The following AGXT variants were observed in gnomAD, a reference collection of about 807,000 sequenced individuals.
AGXT encodes L-alanine: glyoxylate aminotransferase 1.
In AGXT, 41 loss-of-function variants were observed where a neutral mutation model predicts 46.9. The ratio of observed to expected loss-of-function variants is 0.88; its 90% CI spans 0.68 to 1.14. The LOEUF (loss-of-function observed/expected upper bound fraction) is 1.14, where lower values mean the gene tolerates loss of function less well. Ranked by LOEUF, AGXT falls within the 50% of genes most tolerant of loss-of-function variation. The pLI, the probability that AGXT is intolerant of heterozygous loss-of-function variation, is 0.00. For synonymous variants in AGXT, 244 were observed against 227.9 expected (o/e 1.07, Z -0.64); for missense variants, 525 against 522.7 (o/e 1.00, Z -0.04).
chr2:240,879,169 T>C lies in AGXT; in HGVS notation c.*348T>C. The stretch of plus-strand genomic sequence containing the variant: ...GTGAGAGGAGAGCATCTCTGCTCCC[T>C]GAGCTGCCTGATTGTGGACTTTAGG... On this transcript the variant is annotated 3_prime_UTR_variant, in exon 11 of 11. Coordinates refer to ENST00000307503, the MANE Select transcript of AGXT (RefSeq NM_000030.3). 2.5e-6 allele frequency: 1 copy of C among 395,970 alleles called. No individual in the cohort carries two copies. Among genetic ancestry groups the C allele is most frequent in the Non-Finnish European group, 4.7e-6 (1 of 211,126 alleles). 24.5% of individuals were successfully genotyped at this position (395,970 alleles called of 1,614,324 possible).
intron 7 of AGXT, 49 bp from the exon 8 acceptor site, chr2:240,875,885 GC>G (rs772194120): frequency 5.0e-6 from 8 of 1,589,526 alleles, no homozygotes; most frequent in Non-Finnish European, 6.0e-6. Context: ...TGCCCCATCT[GC>G]CCCCAACCCT....
chr2:240,877,981 A>G (rs541138564), intron 9 of AGXT, 41 bp from the exon 10 acceptor site: 208 of 1,605,160 alleles, frequency 1.3e-4, no homozygotes, highest in Non-Finnish European at 1.1e-4. Flanking sequence ...AGGCCCGTAC[A>G]GGGCCTCTCA....
At position 240,880,253 on chromosome 2, in the gene AGXT, C is replaced by G. The variant is rs1335787786; in HGVS notation, c.*1432C>G. On this transcript the variant is annotated 3_prime_UTR_variant, in exon 11 of 11. Transcript: ENST00000307503. ...TGTTTCATTCCCGCAGCTACAGCGT[C>G]CAGGGTGCTCCACGTCCTCACCCAC... 1 of 152,230 alleles carries G rather than the reference C, an allele frequency of 6.6e-6. No individual in the cohort carries two copies. Among genetic ancestry groups the G allele is most frequent in the East Asian group, 1.9e-4 (1 of 5,206 alleles). 9.4% of individuals were successfully genotyped at this position (152,230 alleles called of 1,614,324 possible). A position where few individuals can be genotyped will look rare whatever the true frequency, so the allele number is the denominator to read the frequency against.
In AGXT at chr2:240,878,742, A is replaced by G. The variant is rs1176072053; in HGVS notation, c.1100A>G (p.Asn367Ser). 2 of 1,578,160 alleles carry G rather than the reference A, an allele frequency of 1.3e-6. No homozygotes were observed. The highest frequency in any genetic ancestry group is 1.2e-5 in the South Asian group (1 of 86,132). The change falls in exon 11 of 11, where the codon AAT becomes AGT. Residue 367 changes from asparagine to serine, a missense_variant. Coordinates refer to ENST00000307503, the MANE Select transcript of AGXT (RefSeq NM_000030.3). Reference protein sequence around the residue: ...KVLRIGLLGCNATRENVDRVT... With the variant: ...KVLRIGLLGCSATRENVDRVT... Reference sequence around the variant, plus strand: ...CTGCGGATCGGCCTGCTGGGCTGCAATGCCACCCGCGAGAATGTGGACCGC... The same window carrying G: ...CTGCGGATCGGCCTGCTGGGCTGCAGTGCCACCCGCGAGAATGTGGACCGC...
chr2:240,874,130 C>CGGGAGGGGG, intron 6 of AGXT, 68 bp downstream of exon 6: 2 of 1,460,476 alleles, frequency 1.4e-6, no homozygotes, highest in Non-Finnish European at 1.9e-6. Flanking sequence ...TGGCCCGAGG[C>CGGGAGGGGG]GGGAGGGGCG....
At chr2:240,877,411 G>GGGGGCTCCA (rs2059031381) in intron 8 of AGXT, 126 bp from the exon 9 acceptor site, 1 of 912,446 alleles carries the variant, frequency 1.1e-6, no homozygotes, top group Non-Finnish European at 1.7e-6. Flanking sequence ...AAGTCAAACT[G>GGGGGCTCCA]GGGGCTCCAG....
chr2:240,875,593 G>A (rs2059020332), intron 7 of AGXT, among the ~76,000 whole-genome samples: 1 of 152,258 alleles, frequency 6.6e-6, no homozygotes, highest in Non-Finnish European at 1.5e-5. Context: ...ACAGGAACAA[G>A]GCGCCAGGAA....
rs180177269 is a variant in AGXT at position 240,875,941 on chromosome 2, T to A, written c.783T>A (p.His261Gln). 1 of 1,614,010 alleles carries A rather than the reference T, an allele frequency of 6.2e-7. No individual in the cohort carries two copies. Among genetic ancestry groups the A allele is most frequent in the Non-Finnish European group, 8.5e-7 (1 of 1,180,030 alleles). Reference protein sequence around the residue: ...WGCDDQPRMYHHTIPVISLYS... With the variant: ...WGCDDQPRMYQHTIPVISLYS... The stretch of plus-strand genomic sequence containing the variant: ...GCCCCCTCGTGTCTTCCAGGTACCA[T>A]CACACAATCCCCGTCATCAGCCTGT... Residue 261 changes from histidine to glutamine, a missense_variant, in exon 8 of 11, where the codon CAT becomes CAA. Physicochemically the swap from His to Gln is conservative, Grantham distance 24. Transcript: ENST00000307503.
rs1418584219 is a variant in AGXT at position 240,877,628 on chromosome 2, A to G, written c.938A>G (p.Asp313Gly). ...CTGGGGCTGCAGCTCTTCGTGAAGG[A>G]CCCGGTAAGGAGGCCCCTGGCATTG... ...QALGLQLFVK[D>G]PALRLPTVTT... The change falls in exon 9 of 11, where the codon GAC (aspartate) becomes GGC (glycine). Residue 313 changes from aspartate (D) to glycine (G), a missense_variant. Asp to Gly is a moderately conservative substitution (Grantham distance 94). Coordinates refer to ENST00000307503, the MANE Select transcript of AGXT (RefSeq NM_000030.3). 1 of 1,550,712 alleles carries G rather than the reference A, an allele frequency of 6.4e-7. No individual in the cohort carries two copies. The highest frequency in any genetic ancestry group is 8.7e-7 in the Non-Finnish European group (1 of 1,146,976).
In AGXT at chr2:240,872,900, C is replaced by T. The variant is rs879201264; in HGVS notation, c.525-79C>T. On this transcript the variant is annotated intron_variant, in intron 4 of 10. Coordinates refer to ENST00000307503, the MANE Select transcript of AGXT (RefSeq NM_000030.3). ...CCTTGCCAGCCTGAGGCTCAGAAAC[C>T]CCATCCAGCCTGGGGCCAGGCCCTC... 4.1e-5 allele frequency: 54 copies of T among 1,304,036 alleles called. 1 individual carries two copies. In the South Asian group the frequency reaches 5.8e-4, roughly 14 times the overall value. 80.8% of individuals were successfully genotyped at this position (1,304,036 alleles called of 1,614,324 possible).
chr2:240,877,962 C>A (rs2059036695), intron 9 of AGXT, 60 bp from the exon 10 acceptor site: 3 of 1,597,626 alleles, frequency 1.9e-6, no homozygotes, highest in Non-Finnish European at 2.5e-6. Context: ...AGGCCAAGAG[C>A]TGTCACAAAG....
chr2:240,869,489 C>T, intron 2 of AGXT, 127 bp downstream of exon 2: 3 of 1,141,850 alleles, frequency 2.6e-6, no homozygotes, highest in Non-Finnish European at 3.6e-6. Context: ...GCCCTGTGCG[C>T]ACGAACCTCC....
Position 240,868,975 on chromosome 2 carries a change from T to A in AGXT, c.110T>A (p.Ile37Asn). Residue 37 changes from isoleucine to asparagine, a missense_variant, in exon 1 of 11, where the codon ATC becomes AAC. By Grantham distance (149) the Ile-to-Asn change is moderately radical (BLOSUM62 -3). Coordinates refer to ENST00000307503, the MANE Select transcript of AGXT (RefSeq NM_000030.3). ...GPGPSNLPPR[I>N]MAAGGLQMIG... ...GGTCCTTCCAACCTGCCTCCTCGCA[T>A]CATGGCAGCCGGGGGGCTGCAGATG... The A allele has an allele frequency of 6.3e-7, 1 of 1,581,250 alleles. No homozygotes were observed. The highest frequency in any genetic ancestry group is 8.6e-7 in the Non-Finnish European group (1 of 1,158,404).
chr2:240,875,232 G>A lies in AGXT; in HGVS notation c.776+28G>A, dbSNP rs368264150. ...GAGGCCTGGCAGGGATGGGAAGGTG[G>A]AGGGCGCTGGGCATGGCTGAGAGGT... On this transcript the variant is annotated intron_variant, in intron 7 of 10. Coordinates refer to ENST00000307503, the MANE Select transcript of AGXT (RefSeq NM_000030.3). 3.8e-6 allele frequency: 6 copies of A among 1,573,856 alleles called. No homozygotes were observed. In the African/African-American group the frequency reaches 8.1e-5, roughly 21 times the overall value.
intron 8 of AGXT, chr2:240,876,821 T>G: frequency 6.0e-6 from 1 of 166,100 alleles, no homozygotes; most frequent in Admixed American, 5.8e-5. Flanking sequence ...GGCTCTAGGG[T>G]CGTAAAGGTG....
chr2:240,869,241 T>C lies in AGXT; in HGVS notation c.237T>C (p.Ser79=). Residue 79 remains serine, a synonymous_variant, in exon 2 of 11, where the codon TCT becomes TCC. Transcript: ENST00000307503. ...GGAACCCACTCACACTGGTCATCTC[T>C]GGCTCGGGACACTGTGCCCTGGAGG... The part of the protein sequence containing the change: ...QTRNPLTLVI[S]GSGHCALEAA... The C allele has an allele frequency of 1.2e-6, 2 of 1,611,150 alleles. No homozygotes were observed. The highest frequency in any genetic ancestry group is 1.7e-6 in the Non-Finnish European group (2 of 1,177,910).
At chr2:240,872,171 C>T (rs74000070) in intron 4 of AGXT, among the ~76,000 whole-genome samples, 3,442 of 140,562 alleles carry the variant, frequency 0.024, 87 homozygotes, top group African/African-American at 0.071. Flanking sequence ...AACATGGAGG[C>T]GGAGGAGGGT....
chr2:240,875,690 A>G (rs1259155986), intron 7 of AGXT, among the ~76,000 whole-genome samples: 2 of 152,220 alleles, frequency 1.3e-5, no homozygotes, highest in East Asian at 1.9e-4. Context: ...AGGTGGTGGC[A>G]CGTGTCTCTG....
rs949136405 is a variant in AGXT, at chr2:240,878,270, C to T, written c.1071+120C>T. On this transcript the variant is annotated intron_variant, in intron 10 of 10. Coordinates refer to ENST00000307503, the MANE Select transcript of AGXT (RefSeq NM_000030.3). ...CATCCGAAAGCCCAGATTGCAGGAGCGTCCAGAAGGGCCCACTCTCCAAGG... is the reference window on the plus strand; with the variant it reads ...CATCCGAAAGCCCAGATTGCAGGAGTGTCCAGAAGGGCCCACTCTCCAAGG... The T allele has an allele frequency of 4.9e-6, 7 of 1,418,352 alleles. No homozygotes were observed. In the Admixed American group the frequency reaches 6.0e-5, roughly 12 times the overall value. 87.9% of individuals were successfully genotyped at this position (1,418,352 alleles called of 1,614,324 possible). A position where few individuals can be genotyped will look rare whatever the true frequency, so the allele number is the denominator to read the frequency against.
Sources: gnomAD v4.1 joint callset for allele counts (sites outside exome capture counted in the v4.1 genomes callset) on GRCh38, gnomAD v4.1.1 for gene constraint, MANE v1.5 for transcripts, NCBI Gene and HGNC (gene_info 2026-07-23, HGNC 2026-07-21) for gene names.